GALNT17: variants seen among roughly 807,000 people sequenced by gnomAD.
GALNT17 encodes polypeptide N-acetylgalactosaminyltransferase 17.
A neutral mutation model predicts 63.7 loss-of-function variants in GALNT17; 29 were observed. The ratio of observed to expected loss-of-function variants is 0.46; its 90% CI spans 0.34 to 0.62. The LOEUF (loss-of-function observed/expected upper bound fraction) is 0.62, where lower values mean the gene tolerates loss of function less well. GALNT17 is among the 20% of genes least tolerant of loss of function. The pLI is 0.01. For missense variants in GALNT17, 603 were observed against 799.6 expected (o/e 0.75, Z 2.97); for synonymous variants, 305 against 318.3 (o/e 0.96, Z 0.45).
intron 1 of GALNT17, among the ~76,000 whole-genome samples, chr7:71,223,248 A>G (rs1173059272): frequency 6.6e-6 from 1 of 152,150 alleles, no homozygotes; most frequent in Non-Finnish European, 1.5e-5. Flanking sequence ...CGTTGCTGGC[A>G]GTCTAAGTGG....
chr7:71,562,867 G>T (rs1396661892), intron 5 of GALNT17, among the ~76,000 whole-genome samples: 1 of 152,156 alleles, frequency 6.6e-6, no homozygotes, highest in East Asian at 1.9e-4. Flanking sequence ...GGAAGAACTT[G>T]TACTTAATTC....
chr7:71,441,063 G>A (rs901870461), intron 5 of GALNT17, among the ~76,000 whole-genome samples: 3 of 149,250 alleles, frequency 2.0e-5, no homozygotes, highest in Admixed American at 1.4e-4. Context: ...TTGCTCTTCC[G>A]CCAGGCTGCA....
chr7:71,635,514 T>C (rs1229763663), intron 6 of GALNT17, among the ~76,000 whole-genome samples: 2 of 152,170 alleles, frequency 1.3e-5, no homozygotes, highest in East Asian at 3.9e-4. Flanking sequence ...TTACACATTA[T>C]ATTTGTATGT....
chr7:71,213,556 C>T (rs547758884), intron 1 of GALNT17, among the ~76,000 whole-genome samples: 2 of 152,260 alleles, frequency 1.3e-5, no homozygotes, highest in Non-Finnish European at 2.9e-5. Flanking sequence ...GATTCATTTA[C>T]TCAGTAACCC....
chr7:71,293,228 AT>A (rs1248592496), intron 1 of GALNT17, among the ~76,000 whole-genome samples: 1 of 152,104 alleles, frequency 6.6e-6, no homozygotes, highest in Admixed American at 6.6e-5. Flanking sequence ...CTAAAATGGG[AT>A]TGCTGGATCA....
chr7:71,518,494 G>A (rs767035439), intron 5 of GALNT17, among the ~76,000 whole-genome samples: 9 of 152,148 alleles, frequency 5.9e-5, no homozygotes, highest in African/African-American at 9.7e-5. Flanking sequence ...TAAACTGTGC[G>A]ATTTAAGCAG....
chr7:71,692,468 A>G (rs958362034), intron 9 of GALNT17, among the ~76,000 whole-genome samples: 1 of 152,100 alleles, frequency 6.6e-6, no homozygotes, highest in Non-Finnish European at 1.5e-5. Flanking sequence ...GGTGGAATGT[A>G]TTTAGTGCCT....
chr7:71,701,507 T>C (rs71551218), intron 9 of GALNT17, among the ~76,000 whole-genome samples: 4,225 of 150,858 alleles, frequency 0.028, 80 homozygotes, highest in South Asian at 0.043. Context: ...AAAAAAAGAA[T>C]ATGACATTTA....
intron 5 of GALNT17, among the ~76,000 whole-genome samples, chr7:71,427,264 T>C (rs1649933748): frequency 6.6e-6 from 1 of 151,336 alleles, no homozygotes; most frequent in South Asian, 2.1e-4. Flanking sequence ...ATTTTAATTT[T>C]TTTTTGTATT....
At chr7:71,545,589 C>T (rs1233637156) in intron 5 of GALNT17, among the ~76,000 whole-genome samples, 5 of 152,102 alleles carry the variant, frequency 3.3e-5, no homozygotes, top group Non-Finnish European at 5.9e-5. Context: ...TGGCTTCTAG[C>T]GATCCACCTG....
chr7:71,559,232 A>C (rs890314149), intron 5 of GALNT17, among the ~76,000 whole-genome samples: 2 of 151,966 alleles, frequency 1.3e-5, no homozygotes, highest in Non-Finnish European at 2.9e-5. Context: ...AATTACCGTA[A>C]TGTGCCAGTT....
chr7:71,303,236 A>G (rs1791232461), intron 1 of GALNT17, among the ~76,000 whole-genome samples: 1 of 151,770 alleles, frequency 6.6e-6, no homozygotes, highest in Non-Finnish European at 1.5e-5. Flanking sequence ...GGCTCACTGT[A>G]GCCTTGACCT....
At chr7:71,279,254 G>A (rs1284825840) in intron 1 of GALNT17, among the ~76,000 whole-genome samples, 2 of 151,978 alleles carry the variant, frequency 1.3e-5, no homozygotes, top group East Asian at 1.9e-4. Flanking sequence ...TCCTAATCTA[G>A]TATTTCTTCT....
chr7:71,485,236 G>C (rs80024415), intron 5 of GALNT17, among the ~76,000 whole-genome samples: 17,497 of 152,006 alleles, frequency 0.12, 1,737 homozygotes, highest in East Asian at 0.54. Flanking sequence ...CTCCCAAATA[G>C]CTGGAACTAC....
At chr7:71,274,990 C>T (rs1481669995) in intron 1 of GALNT17, among the ~76,000 whole-genome samples, 1 of 152,216 alleles carries the variant, frequency 6.6e-6, no homozygotes, top group East Asian at 1.9e-4. Context: ...GCCTCTGGCC[C>T]TGGGTCACCA....
intron 1 of GALNT17, among the ~76,000 whole-genome samples, chr7:71,222,738 T>C (rs941141881): frequency 4.6e-5 from 7 of 152,214 alleles, no homozygotes; most frequent in African/African-American, 1.7e-4. Context: ...GTGCATCATA[T>C]GTCTTACTAC....
chr7:71,340,124 A>G (rs937559018), intron 2 of GALNT17, among the ~76,000 whole-genome samples: 1 of 152,166 alleles, frequency 6.6e-6, no homozygotes, highest in Non-Finnish European at 1.5e-5. Context: ...AGACTCAAGA[A>G]TTGGAGATGA....
At chr7:71,489,192 C>G (rs930265782) in intron 5 of GALNT17, among the ~76,000 whole-genome samples, 2 of 152,166 alleles carry the variant, frequency 1.3e-5, no homozygotes, top group Non-Finnish European at 2.9e-5. Flanking sequence ...CTGCACCCAA[C>G]CAGGTTTGTC....
chr7:71,349,947 A>G (rs889496494), intron 2 of GALNT17, among the ~76,000 whole-genome samples: 3 of 152,226 alleles, frequency 2.0e-5, no homozygotes, highest in Non-Finnish European at 4.4e-5. Flanking sequence ...CTTAGGCAAT[A>G]TTAGATAATC....
Sources: gnomAD v4.1 joint callset for allele counts (sites outside exome capture counted in the v4.1 genomes callset) on GRCh38, gnomAD v4.1.1 for gene constraint, MANE v1.5 for transcripts, NCBI Gene and HGNC (gene_info 2026-07-23, HGNC 2026-07-21) for gene names.